FSTL4: variants seen among roughly 807,000 people sequenced by gnomAD.
The protein encoded by FSTL4 is follistatin-related protein 4.
In FSTL4, 28 loss-of-function variants were observed where a neutral mutation model predicts 78.2. That is an observed-to-expected ratio of 0.36 (90% CI 0.27 to 0.49). The LOEUF (loss-of-function observed/expected upper bound fraction) is 0.49, where lower values mean the gene tolerates loss of function less well. FSTL4 is among the 20% of genes least tolerant of loss of function. FSTL4 has a pLI of 0.98. For synonymous variants in FSTL4, 422 were observed against 440.5 expected, an observed-to-expected ratio of 0.96 and a Z score of 0.53; for missense variants, 922 against 1,084.9, an observed-to-expected ratio of 0.85 and a Z score of 2.11.
intron 8 of FSTL4, among the ~76,000 whole-genome samples, chr5:133,228,330 C>T (rs1227187931): frequency 1.3e-5 from 2 of 152,320 alleles, no homozygotes; most frequent in African/African-American, 4.8e-5. Flanking sequence ...ACTCAAAAGG[C>T]ACTCTGACAA....
At chr5:133,319,942 G>A (rs890931111) in intron 4 of FSTL4, among the ~76,000 whole-genome samples, 1 of 152,214 alleles carries the variant, frequency 6.6e-6, no homozygotes, top group Non-Finnish European at 1.5e-5. Flanking sequence ...CATGGACCCT[G>A]GAGGAAAGGC....
intron 4 of FSTL4, among the ~76,000 whole-genome samples, chr5:133,358,878 G>A (rs569933692): frequency 2.9e-4 from 44 of 152,028 alleles, no homozygotes; most frequent in Non-Finnish European, 5.3e-4. Flanking sequence ...GCTATTTCCC[G>A]ATTGCAAAAC....
At chr5:133,671,554 C>T in the FSTL4 span, among the ~76,000 whole-genome samples, 1 of 152,186 alleles carries the variant, frequency 6.6e-6, no homozygotes, top group African/African-American at 2.4e-5. Context: ...TTACTTTCTG[C>T]AGAAAGGGTA....
the FSTL4 span, among the ~76,000 whole-genome samples, chr5:133,828,954 C>T: frequency 6.3e-3 from 963 of 152,248 alleles, 42 homozygotes; most frequent in Admixed American, 0.053. Flanking sequence ...CACATAACAG[C>T]GGGCAGGCAG....
chr5:133,697,796 C>T, the FSTL4 span, among the ~76,000 whole-genome samples: 1 of 152,182 alleles, frequency 6.6e-6, no homozygotes, highest in Admixed American at 6.5e-5. Flanking sequence ...ACCAGCATGG[C>T]CTGGCAAAAT....
chr5:133,648,999 A>C, the FSTL4 span, among the ~76,000 whole-genome samples: 279 of 152,236 alleles, frequency 1.8e-3, 1 homozygote, highest in Middle Eastern at 0.01. Flanking sequence ...TCACTGCCCC[A>C]AAAATCCTCT....
the FSTL4 span, among the ~76,000 whole-genome samples, chr5:133,688,247 A>G: frequency 6.6e-6 from 1 of 152,088 alleles, no homozygotes; most frequent in Non-Finnish European, 1.5e-5. Flanking sequence ...CGTCTCTACT[A>G]AAAAATACAA....
intron 6 of FSTL4, among the ~76,000 whole-genome samples, chr5:133,275,526 C>CTCTA (rs2126852755): frequency 6.7e-6 from 1 of 149,918 alleles, no homozygotes; most frequent in Non-Finnish European, 1.5e-5. Flanking sequence ...TGCCACTGCA[C>CTCTA]TCTAGCCTGG....
chr5:133,202,059 G>C lies in FSTL4; in HGVS notation c.1717-17C>G, dbSNP rs778504096. On this transcript the variant is annotated splice_polypyrimidine_tract_variant and intron_variant, in intron 14 of 15. Transcript: ENST00000265342. ...TGTGATCACCTACAACACAGAGTGG[G>C]AATCCTAGTGAGGGCCCATGCAGGT... is the stretch of plus-strand genomic sequence containing the variant. 27 of 1,542,650 alleles carry C rather than the reference G, an allele frequency of 1.8e-5. No homozygotes were observed. The Middle Eastern group carries it at 1.5e-3, about 88-fold the overall frequency.
chr5:133,439,953 G>A (rs575868939), intron 3 of FSTL4, among the ~76,000 whole-genome samples: 5 of 152,294 alleles, frequency 3.3e-5, no homozygotes, highest in Non-Finnish European at 5.9e-5. Flanking sequence ...ACCCTGGGAG[G>A]GGTCAGACGT....
chr5:133,643,123 A>G, the FSTL4 span, among the ~76,000 whole-genome samples: 1 of 152,342 alleles, frequency 6.6e-6, no homozygotes, highest in South Asian at 2.1e-4. Flanking sequence ...AATAAGTAGG[A>G]TGCAGAAGAG....
intron 6 of FSTL4, among the ~76,000 whole-genome samples, chr5:133,310,876 T>C (rs1212021868): frequency 6.6e-6 from 1 of 152,208 alleles, no homozygotes; most frequent in Non-Finnish European, 1.5e-5. Flanking sequence ...TCGAGCCTAC[T>C]GTTGTTCATG....
chr5:133,543,940 G>T (rs246420), intron 3 of FSTL4, among the ~76,000 whole-genome samples: 10,923 of 151,750 alleles, frequency 0.072, 531 homozygotes, highest in Non-Finnish European at 0.098. Context: ...TTTGTTAGTG[G>T]TTTCCTTAGA....
intron 8 of FSTL4, among the ~76,000 whole-genome samples, chr5:133,226,728 G>T (rs1276563936): frequency 6.6e-6 from 1 of 152,206 alleles, no homozygotes; most frequent in Non-Finnish European, 1.5e-5. Context: ...GATTCTTCTT[G>T]AAGTGGACAG....
intron 4 of FSTL4, among the ~76,000 whole-genome samples, chr5:133,388,939 A>G (rs1429901560): frequency 6.6e-6 from 1 of 151,846 alleles, no homozygotes; most frequent in East Asian, 1.9e-4. Flanking sequence ...TGTATGGTTA[A>G]TCTTTCCTTT....
intron 6 of FSTL4, among the ~76,000 whole-genome samples, chr5:133,296,870 T>G (rs1388266115): frequency 6.6e-6 from 1 of 152,192 alleles, no homozygotes; most frequent in African/African-American, 2.4e-5. Flanking sequence ...TGCCAGGAAG[T>G]ATTTGTGTGA....
the FSTL4 span, among the ~76,000 whole-genome samples, chr5:133,797,546 A>C: frequency 6.6e-6 from 1 of 152,172 alleles, no homozygotes; most frequent in Non-Finnish European, 1.5e-5. Flanking sequence ...AAACTCCAAA[A>C]GAGAGGGGGT....
chr5:133,575,877 A>G (rs998858756), intron 2 of FSTL4, among the ~76,000 whole-genome samples: 1 of 152,232 alleles, frequency 6.6e-6, no homozygotes, highest in Non-Finnish European at 1.5e-5. Flanking sequence ...GCAGGGAATT[A>G]ATTTTAGATT....
chr5:133,352,321 TATATACACAC>T lies in FSTL4; in HGVS notation c.410-35679_410-35670del, dbSNP rs1450292567. 3.1e-4 allele frequency among the ~76,000 whole-genome samples: 28 copies of T among 89,740 alleles called. No homozygotes were observed. In the East Asian group the frequency reaches 4.9e-3, roughly 16 times the overall value. The allele number at this position is 89,740 out of a possible 152,430, so 58.9% of individuals were successfully genotyped here. ...ACACACATATATATATACACACATATATATACACACATATATATATACACATATATATACA... is the reference window on the plus strand; with the variant it reads ...ACACACATATATATATACACACATATATATATATATACACATATATATACA... On this transcript the variant is annotated intron_variant, in intron 4 of 15. Transcript: ENST00000265342.
Sources: allele counts gnomAD v4.1 joint callset (sites outside exome capture counted in the v4.1 genomes callset), GRCh38; gene constraint gnomAD v4.1.1; transcripts MANE v1.5; gene names NCBI Gene and HGNC (gene_info 2026-07-23, HGNC 2026-07-21).